IKZF2: variants seen among roughly 807,000 people sequenced by gnomAD.
IKZF2 encodes the protein zinc finger protein Helios.
A neutral mutation model predicts 49.2 loss-of-function variants in IKZF2; 15 were observed. The observed-to-expected ratio is 0.30, with a 90% CI of 0.20 to 0.47. IKZF2 has a LOEUF of 0.47. IKZF2 is among the 20% of genes least tolerant of loss of function. IKZF2 has a pLI of 1.00. For synonymous variants in IKZF2, 227 were observed against 221.4 expected, an observed-to-expected ratio of 1.03 and a Z score of -0.23; for missense variants, 567 against 664.6, an observed-to-expected ratio of 0.85 and a Z score of 1.61.
intron 4 of IKZF2, among the ~76,000 whole-genome samples, chr2:213,063,830 A>G (rs879563513): frequency 6.6e-6 from 1 of 152,038 alleles, no homozygotes; most frequent in African/African-American, 2.4e-5. Context: ...CATTAGTATT[A>G]TATTTAGGAC....
chr2:213,086,256 C>T (rs1381290137), intron 4 of IKZF2, among the ~76,000 whole-genome samples: 5 of 152,078 alleles, frequency 3.3e-5, no homozygotes, highest in Non-Finnish European at 7.4e-5. Context: ...GGGAAAGAAT[C>T]CCTGGAATGC....
intron 5 of IKZF2, among the ~76,000 whole-genome samples, chr2:213,054,653 A>G (rs1700975577): frequency 6.6e-6 from 1 of 152,186 alleles, no homozygotes; most frequent in Non-Finnish European, 1.5e-5. Flanking sequence ...ATGGCTATTA[A>G]CTTTAAGAAA....
At chr2:213,100,090 A>G (rs1051674596) in intron 4 of IKZF2, among the ~76,000 whole-genome samples, 1 of 152,138 alleles carries the variant, frequency 6.6e-6, no homozygotes, top group Non-Finnish European at 1.5e-5. Context: ...TAACTCTTCT[A>G]ATGTCATCTA....
chr2:213,128,491 G>A (rs1383977943), intron 4 of IKZF2, among the ~76,000 whole-genome samples: 1 of 152,118 alleles, frequency 6.6e-6, no homozygotes, highest in African/African-American at 2.4e-5. Context: ...TGCACAGCCA[G>A]GACTCCAAAC....
intron 4 of IKZF2, among the ~76,000 whole-genome samples, chr2:213,120,424 C>T (rs1191465188): frequency 6.6e-6 from 1 of 152,118 alleles, no homozygotes; most frequent in Non-Finnish European, 1.5e-5. Context: ...AAAGAAAAGG[C>T]AATTTGAAAG....
intron 6 of IKZF2, among the ~76,000 whole-genome samples, chr2:213,046,280 C>G (rs1181624874): frequency 1.3e-5 from 2 of 152,124 alleles, no homozygotes; most frequent in Non-Finnish European, 2.9e-5. Flanking sequence ...TCCCTGCAGC[C>G]TTCTTATGCT....
chr2:213,149,810 C>T (rs115901131), intron 2 of IKZF2, among the ~76,000 whole-genome samples: 4,275 of 137,284 alleles, frequency 0.031, 225 homozygotes, highest in African/African-American at 0.11. Flanking sequence ...TTATTTCTTT[C>T]TTTATGGAAT....
intron 4 of IKZF2, among the ~76,000 whole-genome samples, chr2:213,066,320 G>A (rs1293507311): frequency 2.0e-5 from 3 of 152,014 alleles, no homozygotes; most frequent in Admixed American, 6.6e-5. Flanking sequence ...ACTGGGCAAC[G>A]GCAACAGAGG....
chr2:213,112,539 C>T (rs979216182), intron 4 of IKZF2, among the ~76,000 whole-genome samples: 3 of 150,316 alleles, frequency 2.0e-5, no homozygotes, highest in South Asian at 4.2e-4. Flanking sequence ...TCACAGCTCA[C>T]TAGCCATGAA....
At chr2:213,060,678 G>GT (rs924740504) in intron 4 of IKZF2, among the ~76,000 whole-genome samples, 7 of 151,432 alleles carry the variant, frequency 4.6e-5, no homozygotes, top group Non-Finnish European at 1.0e-4. Context: ...AGCAATAATG[G>GT]TTTAATTTAA....
At chr2:213,058,827 C>CA (rs936876002) in intron 4 of IKZF2, among the ~76,000 whole-genome samples, 26 of 151,792 alleles carry the variant, frequency 1.7e-4, no homozygotes, top group South Asian at 1.2e-3. Flanking sequence ...AAAGAAAAAA[C>CA]AAAAAACATA....
chr2:213,079,418 T>TGGAA lies in IKZF2; in HGVS notation c.140-22323_140-22320dup, dbSNP rs796259437. On this transcript the variant is annotated intron_variant, in intron 4 of 8. Transcript: ENST00000434687. Reference sequence around the variant, plus strand: ...GAAGAAAGAAGGAAGGAAGGAAGCATGGAAGGAAGGAAGGAAGGAAAGGAG... The same window carrying TGGAA: ...GAAGAAAGAAGGAAGGAAGGAAGCATGGAAGGAAGGAAGGAAGGAAGGAAAGGAG... 1.5e-4 allele frequency among the ~76,000 whole-genome samples: 6 copies of TGGAA among 39,010 alleles called. 1 individual carries two copies. The highest frequency in any genetic ancestry group is 1.1e-3 in the South Asian group (2 of 1,810). 25.6% of individuals were successfully genotyped at this position (39,010 alleles called of 152,430 possible).
chr2:213,011,695 T>C (rs1695974171), intron 8 of IKZF2, among the ~76,000 whole-genome samples: 1 of 152,052 alleles, frequency 6.6e-6, no homozygotes. Flanking sequence ...TCAGGGATGC[T>C]GCTCCATAGG....
chr2:213,135,475 C>A (rs1389276346), intron 4 of IKZF2, among the ~76,000 whole-genome samples: 1 of 151,796 alleles, frequency 6.6e-6, no homozygotes, highest in Non-Finnish European at 1.5e-5. Context: ...TCACTTGAGG[C>A]CAGGAGTTCA....
chr2:213,092,171 G>A lies in IKZF2; in HGVS notation c.140-35072C>T, dbSNP rs181174759. ...CTCCTGAGTCGCTGGAACCACATATGCACACCACCACACCTAGCTAATTTA... is the reference window on the plus strand; with the variant it reads ...CTCCTGAGTCGCTGGAACCACATATACACACCACCACACCTAGCTAATTTA... On this transcript the variant is annotated intron_variant, in intron 4 of 8. Coordinates refer to ENST00000434687, the MANE Select transcript of IKZF2 (RefSeq NM_001387220.1). Among the ~76,000 whole-genome samples the A allele has an allele frequency of 7.6e-4, 116 of 152,026 alleles. No individual in the cohort carries two copies. The East Asian group carries it at 0.018, about 24-fold the overall frequency.
chr2:213,070,307 T>C (rs1702562769), intron 4 of IKZF2, among the ~76,000 whole-genome samples: 2 of 152,180 alleles, frequency 1.3e-5, no homozygotes, highest in African/African-American at 4.8e-5. Context: ...AAGCTTTAAA[T>C]GCCATTATCT....
chr2:213,039,323 C>T (rs1699379295), intron 6 of IKZF2, among the ~76,000 whole-genome samples: 1 of 151,670 alleles, frequency 6.6e-6, no homozygotes, highest in African/African-American at 2.4e-5. Context: ...GTCCTTGGAA[C>T]TATAGGGACT....
At chr2:213,012,911 CT>C (rs1303337245) in intron 8 of IKZF2, among the ~76,000 whole-genome samples, 1 of 151,912 alleles carries the variant, frequency 6.6e-6, no homozygotes, top group Non-Finnish European at 1.5e-5. Context: ...AATAACAATT[CT>C]TTAACAATTC....
chr2:213,142,687 G>A (rs1003374594), intron 4 of IKZF2, among the ~76,000 whole-genome samples: 4 of 151,942 alleles, frequency 2.6e-5, no homozygotes, highest in African/African-American at 9.7e-5. Flanking sequence ...TTCTAACCCA[G>A]GCCAGCATAA....
Sources: allele counts gnomAD v4.1 joint callset (sites outside exome capture counted in the v4.1 genomes callset), GRCh38; gene constraint gnomAD v4.1.1; transcripts MANE v1.5; gene names NCBI Gene and HGNC (gene_info 2026-07-23, HGNC 2026-07-21).